Variants in CHP1 observed in about 807,000 individuals in gnomAD.
CHP1 encodes calcineurin like EF-hand protein 1, also known as calcineurin B homologous protein 1.
A neutral mutation model predicts 27.4 loss-of-function variants in CHP1; 11 were observed. The observed-to-expected ratio is 0.40, with a 90% CI of 0.25 to 0.67. The LOEUF (loss-of-function observed/expected upper bound fraction) is 0.67, where lower values mean the gene tolerates loss of function less well. Ranked by LOEUF, CHP1 falls within the 30% of genes least tolerant of loss-of-function variation. The pLI is 0.38. For synonymous variants in CHP1, 89 were observed against 87.4 expected, an observed-to-expected ratio of 1.02 and a Z score of -0.10; for missense variants, 169 against 251.3, an observed-to-expected ratio of 0.67 and a Z score of 2.22.
chr15:41,256,072 T>C (rs1012206131), intron 2 of CHP1, among the ~76,000 whole-genome samples: 12 of 152,174 alleles, frequency 7.9e-5, no homozygotes, highest in Non-Finnish European at 1.6e-4. Flanking sequence ...AACACATACT[T>C]TGACTTACAG....
chr15:41,266,248 A>G (rs755646015), intron 4 of CHP1, among the ~76,000 whole-genome samples: 8 of 152,132 alleles, frequency 5.3e-5, no homozygotes, highest in Non-Finnish European at 1.0e-4. Flanking sequence ...ACGCTATTGC[A>G]CTCCAGACTG....
At chr15:41,231,747 T>G (rs894969113) in intron 1 of CHP1, among the ~76,000 whole-genome samples, 2 of 152,038 alleles carry the variant, frequency 1.3e-5, no homozygotes, top group African/African-American at 4.8e-5. Flanking sequence ...CTCCTTTCCT[T>G]TCTGTTGCCT....
chr15:41,255,845 G>A (rs142841381), intron 2 of CHP1, among the ~76,000 whole-genome samples: 4,639 of 152,060 alleles, frequency 0.031, 260 homozygotes, highest in African/African-American at 0.11. Flanking sequence ...GTGAAACTCC[G>A]TCTCTACTAA....
chr15:41,241,050 G>A (rs909731292), intron 1 of CHP1, among the ~76,000 whole-genome samples: 1 of 152,144 alleles, frequency 6.6e-6, no homozygotes, highest in East Asian at 1.9e-4. Context: ...ACGAGGTTTC[G>A]CCATGTTGGC....
chr15:41,279,030 G>A (rs533444848), intron 6 of CHP1, 141 bp downstream of exon 6: 2 of 1,064,126 alleles, frequency 1.9e-6, no homozygotes, highest in South Asian at 3.1e-5. Flanking sequence ...GGCTAACATG[G>A]TGAAACCTCA....
rs1341782491 is a variant in CHP1, at chr15:41,279,432, G to T, written c.*43G>T. On this transcript the variant is annotated 3_prime_UTR_variant, in exon 7 of 7. Transcript: ENST00000334660. ...CTTGCGGTCTAGTATTTAAGAACTGGAACTTGAAAGTCCTCCTTCTACCAA... is the reference window on the plus strand; with the variant it reads ...CTTGCGGTCTAGTATTTAAGAACTGTAACTTGAAAGTCCTCCTTCTACCAA... The T allele has an allele frequency of 6.5e-7, 1 of 1,529,568 alleles. No homozygotes were observed. Among genetic ancestry groups the T allele is most frequent in the East Asian group, 2.2e-5 (1 of 44,462 alleles). The allele number at this position is 1,529,568 out of a possible 1,614,324, so 94.7% of individuals were successfully genotyped here. A position where few individuals can be genotyped will look rare whatever the true frequency, so the allele number is the denominator to read the frequency against.
chr15:41,278,633 A>C (rs2047531135), intron 5 of CHP1, 134 bp from the exon 6 acceptor site: 1 of 1,022,236 alleles, frequency 9.8e-7, no homozygotes, highest in Non-Finnish European at 1.4e-6. Context: ...TAACCAAAAC[A>C]TTATTATGCA....
chr15:41,253,690 A>G (rs1415092420), intron 2 of CHP1, among the ~76,000 whole-genome samples: 3 of 150,094 alleles, frequency 2.0e-5, no homozygotes, highest in African/African-American at 4.9e-5. Flanking sequence ...TCTTGACCTC[A>G]TGATCCTCCC....
In CHP1 at chr15:41,280,505, ATT is replaced by A. The variant is rs34921023; in HGVS notation, c.*1142_*1143del. On this transcript the variant is annotated 3_prime_UTR_variant, in exon 7 of 7. Transcript: ENST00000334660. The stretch of plus-strand genomic sequence containing the variant: ...GGAAGTGCCTAATATCCCAGTCCAA[ATT>A]TTTTTTTTTTTTTTTTTTTTTTTTT... 466 of 111,262 alleles carry A rather than the reference ATT, an allele frequency of 4.2e-3. 1 individual carries two copies. Among genetic ancestry groups the A allele is most frequent in the African/African-American group, 0.016 (450 of 28,568 alleles). The allele number at this position is 111,262 out of a possible 1,614,324, so 6.9% of individuals were successfully genotyped here.
chr15:41,257,049 C>T (rs2047404070), intron 3 of CHP1, 59 bp downstream of exon 3: 14 of 1,297,748 alleles, frequency 1.1e-5, no homozygotes, highest in Non-Finnish European at 1.4e-5. Flanking sequence ...AAATTATTTG[C>T]TAATCTGGAA....
chr15:41,254,391 T>G (rs1187806520), intron 2 of CHP1, among the ~76,000 whole-genome samples: 2 of 152,246 alleles, frequency 1.3e-5, no homozygotes, highest in African/African-American at 4.8e-5. Context: ...TTAGTCTTAA[T>G]TTAAAAGTGA....
At chr15:41,256,826 G>C (rs1427528518) in intron 2 of CHP1, 84 bp from the exon 3 acceptor site, 6 of 1,083,652 alleles carry the variant, frequency 5.5e-6, no homozygotes, top group Non-Finnish European at 8.6e-6. Context: ...ATTCTTGCTA[G>C]GTTACACCCT....
At chr15:41,254,715 G>T (rs143449020) in intron 2 of CHP1, among the ~76,000 whole-genome samples, 6 of 152,322 alleles carry the variant, frequency 3.9e-5, no homozygotes, top group African/African-American at 1.2e-4. Context: ...ACCAAATGTG[G>T]TGGAGAAGAG....
chr15:41,267,022 C>G (rs2047464787), intron 4 of CHP1, among the ~76,000 whole-genome samples: 1 of 151,738 alleles, frequency 6.6e-6, no homozygotes, highest in African/African-American at 2.4e-5. Flanking sequence ...GAAATTCTGG[C>G]AAATGGTACA....
intron 2 of CHP1, among the ~76,000 whole-genome samples, chr15:41,254,013 C>A (rs1204236663): frequency 1.3e-5 from 2 of 151,456 alleles, no homozygotes; most frequent in African/African-American, 2.4e-5. Context: ...AGGCTGGTCT[C>A]GAACTCCTAG....
chr15:41,256,977 T>A lies in CHP1; in HGVS notation c.208T>A (p.Phe70Ile). Residue 70 changes from phenylalanine to isoleucine, a missense_variant, in exon 3 of 7, where the codon TTC becomes ATC. Transcript: ENST00000334660. ...NPLGDRIINA[F>I]FPEGEDQVNF... ...ACTGGGGGACCGGATCATCAATGCC[T>A]TCTTTCCAGAGGGGTGAGTCAGTAC... 1 of 1,613,902 alleles carries A rather than the reference T, an allele frequency of 6.2e-7. No individual in the cohort carries two copies. The highest frequency in any genetic ancestry group is 8.5e-7 in the Non-Finnish European group (1 of 1,179,796).
At position 41,262,836 on chromosome 15, in the gene CHP1, A is replaced by T; in HGVS notation, c.302A>T (p.Asp101Val). Residue 101 changes from aspartate (D) to valine (V), a missense_variant, in exon 4 of 7, where the codon GAT becomes GTT. Coordinates refer to ENST00000334660, the MANE Select transcript of CHP1 (RefSeq NM_007236.5). Reference protein sequence around the residue: ...RPIEDNEKSKDVNGPEPLNSR... With the variant: ...RPIEDNEKSKVVNGPEPLNSR... Reference sequence around the variant, plus strand: ...ATTGAGGATAATGAAAAGAGCAAAGATGTGAATGGACCCGAACCACTCAAC... The same window carrying T: ...ATTGAGGATAATGAAAAGAGCAAAGTTGTGAATGGACCCGAACCACTCAAC... 6.2e-7 allele frequency: 1 copy of T among 1,614,160 alleles called. No homozygotes were observed. The highest frequency in any genetic ancestry group is 2.2e-5 in the East Asian group (1 of 44,886).
intron 1 of CHP1, chr15:41,234,314 A>C (rs2047266514): frequency 6.6e-6 from 1 of 152,158 alleles, no homozygotes; most frequent in African/African-American, 2.4e-5. Flanking sequence ...GAAGAATAAA[A>C]ACGGATATCT....
intron 1 of CHP1, among the ~76,000 whole-genome samples, chr15:41,236,263 T>A (rs1021508335): frequency 6.6e-6 from 1 of 151,768 alleles, no homozygotes; most frequent in African/African-American, 2.4e-5. Context: ...TTTTTAATTT[T>A]TATTTATTTA....
Sources: allele counts gnomAD v4.1 joint callset (sites outside exome capture counted in the v4.1 genomes callset), GRCh38; gene constraint gnomAD v4.1.1; transcripts MANE v1.5; gene names NCBI Gene and HGNC (gene_info 2026-07-23, HGNC 2026-07-21).